Variants in RAP1B observed in about 807,000 individuals in gnomAD.
RAP1B encodes the protein RAP1B, member of RAS oncogene family, also known as ras-related protein Rap-1b.
A neutral mutation model predicts 27.5 loss-of-function variants in RAP1B; 1 was observed. The observed-to-expected ratio is 0.04, with a 90% CI of 0.01 to 0.17. The LOEUF (loss-of-function observed/expected upper bound fraction) is 0.17, where lower values mean the gene tolerates loss of function less well. Ranked by LOEUF, RAP1B falls within the 10% of genes least tolerant of loss-of-function variation. RAP1B has a pLI of 1.00. For missense variants in RAP1B, 84 were observed against 214.8 expected (o/e 0.39, Z 3.81); for synonymous variants, 75 against 73.1 (o/e 1.03, Z -0.13).
chr12:68,640,840 C>G (rs1011855547), intron 1 of RAP1B, among the ~76,000 whole-genome samples: 5 of 152,088 alleles, frequency 3.3e-5, no homozygotes, highest in Admixed American at 6.6e-5. Flanking sequence ...AAAAAAAAAG[C>G]TACCCCATAA....
At chr12:68,622,804 A>G (rs923079628) in intron 1 of RAP1B, among the ~76,000 whole-genome samples, 1 of 152,230 alleles carries the variant, frequency 6.6e-6, no homozygotes, top group African/African-American at 2.4e-5. Context: ...AGAAAAATAC[A>G]TAAAGTATGT....
At chr12:68,615,299 G>A (rs1870902596) in intron 1 of RAP1B, among the ~76,000 whole-genome samples, 1 of 151,812 alleles carries the variant, frequency 6.6e-6, no homozygotes, top group Non-Finnish European at 1.5e-5. Context: ...GAAAATGTGG[G>A]GGAAATGTAC....
intron 2 of RAP1B, chr12:68,649,971 GGTGTGGTGGTGCATGCCT>G (rs1230165076): frequency 6.5e-6 from 1 of 153,942 alleles, no homozygotes; most frequent in Non-Finnish European, 1.4e-5. Context: ...AAATTAGCCA[GGTGTGGTGGTGCATGCCT>G]GTAATCCCAG....
chr12:68,613,389 T>TAAAAA (rs34380580), intron 1 of RAP1B, among the ~76,000 whole-genome samples: 2 of 123,354 alleles, frequency 1.6e-5, no homozygotes, highest in Non-Finnish European at 1.7e-5. Flanking sequence ...AGACCTGTCT[T>TAAAAA]AAAAAAAAAA....
At chr12:68,639,932 C>T (rs1436142335) in intron 1 of RAP1B, among the ~76,000 whole-genome samples, 3 of 152,002 alleles carry the variant, frequency 2.0e-5, no homozygotes, top group African/African-American at 4.8e-5. Flanking sequence ...CCTCTGCCTC[C>T]TGGGTTCAAG....
At chr12:68,642,024 T>C (rs1379552886) in intron 1 of RAP1B, among the ~76,000 whole-genome samples, 1 of 152,204 alleles carries the variant, frequency 6.6e-6, no homozygotes, top group Non-Finnish European at 1.5e-5. Context: ...TAACATTAAG[T>C]TCATTTCGCA....
chr12:68,651,365 C>G (rs906834361), intron 3 of RAP1B, among the ~76,000 whole-genome samples: 3 of 152,210 alleles, frequency 2.0e-5, no homozygotes, highest in Non-Finnish European at 4.4e-5. Flanking sequence ...ATTCCTCCCT[C>G]CATGTGCATA....
chr12:68,643,217 C>T (rs537265396), intron 1 of RAP1B, among the ~76,000 whole-genome samples: 7 of 152,116 alleles, frequency 4.6e-5, no homozygotes, highest in African/African-American at 1.7e-4. Flanking sequence ...AGTATTACTT[C>T]CTATCCTCTT....
intron 1 of RAP1B, among the ~76,000 whole-genome samples, chr12:68,615,964 T>G (rs772729076): frequency 1.0e-5 from 1 of 96,138 alleles, no homozygotes; most frequent in Non-Finnish European, 2.1e-5. Context: ...GTAAATAATT[T>G]GGATTTTTTT....
chr12:68,645,821 T>A (rs1463227652), intron 1 of RAP1B, among the ~76,000 whole-genome samples: 2 of 152,264 alleles, frequency 1.3e-5, no homozygotes, highest in African/African-American at 4.8e-5. Context: ...TTGACTATTG[T>A]ACTGTTGGGT....
chr12:68,657,670 T>C (rs1874300736), intron 7 of RAP1B: 1 of 157,440 alleles, frequency 6.4e-6, no homozygotes, highest in Non-Finnish European at 1.4e-5. Context: ...CCTCCCAAAG[T>C]GCTGAGATTA....
intron 1 of RAP1B, among the ~76,000 whole-genome samples, chr12:68,613,217 G>A (rs1183198581): frequency 1.3e-5 from 2 of 151,812 alleles, no homozygotes; most frequent in African/African-American, 2.4e-5. Flanking sequence ...AAACATAGCC[G>A]GGTGTAGTGG....
In RAP1B at chr12:68,610,946, C is replaced by T. The variant is rs1870515613; in HGVS notation, c.-124C>T. ...ATTCAGGCGTGTAAACCAGCCGGAGCGGCGCGGCAGCGGCAGGACCGCCGT... is the reference window on the plus strand; with the variant it reads ...ATTCAGGCGTGTAAACCAGCCGGAGTGGCGCGGCAGCGGCAGGACCGCCGT... On this transcript the variant is annotated 5_prime_UTR_variant, in exon 1 of 8. Coordinates refer to ENST00000250559, the MANE Select transcript of RAP1B (RefSeq NM_001010942.3). 1.9e-5 allele frequency: 6 copies of T among 308,976 alleles called. No individual in the cohort carries two copies. The highest frequency in any genetic ancestry group is 3.6e-5 in the Non-Finnish European group (6 of 167,576). 19.1% of individuals were successfully genotyped at this position (308,976 alleles called of 1,614,324 possible). A position where few individuals can be genotyped will look rare whatever the true frequency, so the allele number is the denominator to read the frequency against.
chr12:68,636,524 C>T (rs1872643296), intron 1 of RAP1B, among the ~76,000 whole-genome samples: 1 of 152,216 alleles, frequency 6.6e-6, no homozygotes, highest in African/African-American at 2.4e-5. Context: ...AATTCGTGGG[C>T]TTAAGTGATC....
chr12:68,632,807 A>G (rs1326579077), intron 1 of RAP1B, among the ~76,000 whole-genome samples: 1 of 152,144 alleles, frequency 6.6e-6, no homozygotes, highest in Non-Finnish European at 1.5e-5. Flanking sequence ...AGGAAATGGG[A>G]GCAAATCCAG....
At chr12:68,632,412 G>T (rs530596727) in intron 1 of RAP1B, among the ~76,000 whole-genome samples, 26 of 152,124 alleles carry the variant, frequency 1.7e-4, no homozygotes, top group Non-Finnish European at 2.8e-4. Flanking sequence ...AGGATTACAG[G>T]CATGAGCCAC....
At chr12:68,625,574 TATA>T (rs1871700776) in intron 1 of RAP1B, among the ~76,000 whole-genome samples, 1 of 152,214 alleles carries the variant, frequency 6.6e-6, no homozygotes, top group African/African-American at 2.4e-5. Context: ...GAATGTATAA[TATA>T]ATCATGCAGA....
At chr12:68,647,810 G>C (rs1406388800) in intron 1 of RAP1B, among the ~76,000 whole-genome samples, 1 of 152,044 alleles carries the variant, frequency 6.6e-6, no homozygotes, top group South Asian at 2.1e-4. Flanking sequence ...TCATTAGTTG[G>C]TTAGTTTGTA....
intron 4 of RAP1B, among the ~76,000 whole-genome samples, chr12:68,653,098 A>G (rs1055259067): frequency 1.3e-5 from 2 of 152,040 alleles, no homozygotes; most frequent in African/African-American, 4.8e-5. Context: ...AGTCCCAGCT[A>G]CTCGGGAGGC....
Sources: gnomAD v4.1 joint callset for allele counts (sites outside exome capture counted in the v4.1 genomes callset) on GRCh38, gnomAD v4.1.1 for gene constraint, MANE v1.5 for transcripts, NCBI Gene and HGNC (gene_info 2026-07-23, HGNC 2026-07-21) for gene names.